The following NEDD4L variants were observed in gnomAD, a reference collection of about 807,000 sequenced individuals.
The protein encoded by NEDD4L is E3 ubiquitin-protein ligase NEDD4-like.
Under a neutral mutation model 148.9 loss-of-function variants are expected in NEDD4L, and 54 were observed. That is an observed-to-expected ratio of 0.36 (90% CI 0.29 to 0.45). The LOEUF (loss-of-function observed/expected upper bound fraction) is 0.45. NEDD4L is among the 20% of genes least tolerant of loss of function. NEDD4L has a pLI of 1.00. For missense variants in NEDD4L, 856 were observed against 1,233.8 expected, an observed-to-expected ratio of 0.69 and a Z score of 4.59; for synonymous variants, 433 against 440.7, an observed-to-expected ratio of 0.98 and a Z score of 0.22.
chr18:58,319,861 G>T (rs62096394), intron 6 of NEDD4L, among the ~76,000 whole-genome samples: 29,116 of 152,094 alleles, frequency 0.19, 2,954 homozygotes, highest in African/African-American at 0.2. Context: ...TGTTTGTTGA[G>T]TGTGCCAGGT....
At chr18:58,101,595 G>A (rs759921585) in intron 1 of NEDD4L, among the ~76,000 whole-genome samples, 4 of 152,118 alleles carry the variant, frequency 2.6e-5, no homozygotes, top group Admixed American at 1.3e-4. Flanking sequence ...CTGGGCCTGC[G>A]AGCCTCCATT....
intron 5 of NEDD4L, among the ~76,000 whole-genome samples, chr18:58,276,693 A>ATTT (rs201915843): frequency 7.4e-6 from 1 of 135,444 alleles, no homozygotes; most frequent in Non-Finnish European, 1.5e-5. Flanking sequence ...TAATAATAAT[A>ATTT]ATATTATTAT....
At chr18:58,336,745 A>T (rs1244520731) in intron 13 of NEDD4L, among the ~76,000 whole-genome samples, 1 of 152,228 alleles carries the variant, frequency 6.6e-6, no homozygotes, top group Admixed American at 6.5e-5. Flanking sequence ...GGCAACAGTC[A>T]GCCCCAGAAC....
intron 5 of NEDD4L, chr18:58,255,377 G>A (rs1322317539): frequency 2.0e-6 from 1 of 496,862 alleles, no homozygotes; most frequent in Non-Finnish European, 3.0e-6. Flanking sequence ...TGGCATTGGA[G>A]GGGGAGAGCG....
At chr18:58,121,554 T>C (rs756176886) in intron 1 of NEDD4L, among the ~76,000 whole-genome samples, 19 of 152,014 alleles carry the variant, frequency 1.2e-4, no homozygotes, top group Non-Finnish European at 2.4e-4. Context: ...ACAGGCGAGT[T>C]CCACTACAGC....
chr18:58,104,517 T>G (rs2084952377), intron 1 of NEDD4L, among the ~76,000 whole-genome samples: 1 of 152,218 alleles, frequency 6.6e-6, no homozygotes, highest in African/African-American at 2.4e-5. Flanking sequence ...TTTAAAAACG[T>G]GACATTTCAC....
At chr18:58,174,266 AG>A (rs2037845487) in intron 2 of NEDD4L, among the ~76,000 whole-genome samples, 1 of 151,930 alleles carries the variant, frequency 6.6e-6, no homozygotes, top group African/African-American at 2.4e-5. Flanking sequence ...GGCAGGCTGC[AG>A]GTAGTATTGG....
intron 30 of NEDD4L, among the ~76,000 whole-genome samples, chr18:58,394,103 C>T (rs2050175597): frequency 6.6e-6 from 1 of 152,182 alleles, no homozygotes; most frequent in Admixed American, 6.5e-5. Context: ...TCACCCAGCT[C>T]ATTAGTGCAG....
chr18:58,374,467 C>T (rs941004101), intron 24 of NEDD4L, among the ~76,000 whole-genome samples: 2 of 152,086 alleles, frequency 1.3e-5, no homozygotes, highest in Non-Finnish European at 2.9e-5. Flanking sequence ...CCCCCCTTTC[C>T]CGGCCTCCTC....
intron 2 of NEDD4L, chr18:58,195,713 G>C (rs1370186099): frequency 7.4e-7 from 1 of 1,351,956 alleles, no homozygotes; most frequent in African/African-American, 1.5e-5. Context: ...CTTCAGACGA[G>C]CTCTTCCTGC....
At chr18:58,094,361 T>C (rs1168391887) in intron 1 of NEDD4L, among the ~76,000 whole-genome samples, 1 of 151,908 alleles carries the variant, frequency 6.6e-6, no homozygotes, top group Non-Finnish European at 1.5e-5. Flanking sequence ...ATTTTTTGTA[T>C]TTTTTTATAG....
intron 2 of NEDD4L, among the ~76,000 whole-genome samples, chr18:58,168,350 T>C (rs1160640387): frequency 6.6e-6 from 1 of 152,252 alleles, no homozygotes; most frequent in Non-Finnish European, 1.5e-5. Flanking sequence ...GGAGTGGCAC[T>C]GCTTATTGCC....
intron 5 of NEDD4L, among the ~76,000 whole-genome samples, chr18:58,296,091 C>T (rs1455596215): frequency 6.6e-6 from 1 of 152,140 alleles, no homozygotes; most frequent in Non-Finnish European, 1.5e-5. Flanking sequence ...GATCACTTTG[C>T]GGCAGACCTT....
chr18:58,053,308 A>G (rs528577087), intron 1 of NEDD4L, among the ~76,000 whole-genome samples: 5 of 146,986 alleles, frequency 3.4e-5, no homozygotes, highest in African/African-American at 1.2e-4. Flanking sequence ...CTGTGTTAAC[A>G]ATTTTTTTTT....
intron 2 of NEDD4L, among the ~76,000 whole-genome samples, chr18:58,172,217 C>T (rs1030059738): frequency 3.3e-5 from 5 of 152,110 alleles, no homozygotes; most frequent in African/African-American, 7.2e-5. Flanking sequence ...ACCAGGCAGC[C>T]GCCGACAGGG....
At chr18:58,111,514 A>G (rs534838691) in intron 1 of NEDD4L, among the ~76,000 whole-genome samples, 6 of 152,320 alleles carry the variant, frequency 3.9e-5, no homozygotes, top group African/African-American at 1.4e-4. Flanking sequence ...GACATTTCAT[A>G]TAAACTGAGT....
chr18:58,096,371 ATTTTATTTT>A (rs1256984987), intron 1 of NEDD4L, among the ~76,000 whole-genome samples: 38 of 137,312 alleles, frequency 2.8e-4, no homozygotes, highest in Non-Finnish European at 5.4e-4. Flanking sequence ...ATTTTATTTT[ATTTTATTTT>A]ATTTTATTTT....
Position 58,256,088 on chromosome 18 carries a change from A to G in NEDD4L, c.297+4034A>G. ...CTCCCGGGAGCCCTCGCCGAGGGAC[A>G]CCCCCGGGAGCTCCCCTCCGAGGGC... is the stretch of plus-strand genomic sequence containing the variant. On this transcript the variant is annotated intron_variant, in intron 5 of 30. Coordinates refer to ENST00000400345, the MANE Select transcript of NEDD4L (RefSeq NM_001144967.3). The surrounding 1 kb of genome is among the most constrained non-coding windows in gnomAD (Gnocchi z 5.2). 8.1e-7 allele frequency: 1 copy of G among 1,227,456 alleles called. No individual in the cohort carries two copies. Among genetic ancestry groups the G allele is most frequent in the Non-Finnish European group, 1.0e-6 (1 of 985,346 alleles). The allele number at this position is 1,227,456 out of a possible 1,614,324, so 76.0% of individuals were successfully genotyped here.
At chr18:58,049,439 A>G (rs2081752764) in intron 1 of NEDD4L, among the ~76,000 whole-genome samples, 2 of 152,198 alleles carry the variant, frequency 1.3e-5, no homozygotes, top group South Asian at 4.1e-4. Flanking sequence ...GCTTTCAAAA[A>G]TTGTGGTTTA....
Sources: gnomAD v4.1 joint callset for allele counts (sites outside exome capture counted in the v4.1 genomes callset) on GRCh38, gnomAD v4.1.1 for gene constraint, Gnocchi (gnomAD v3.1) non-coding constraint, MANE v1.5 for transcripts, NCBI Gene and HGNC (gene_info 2026-07-23, HGNC 2026-07-21) for gene names.